The following TUT4 variants were observed in gnomAD, a reference collection of about 807,000 sequenced individuals.
The protein encoded by TUT4 is terminal uridylyl transferase 4.
A neutral mutation model predicts 192.2 loss-of-function variants in TUT4; 36 were observed. The ratio of observed to expected loss-of-function variants is 0.19; its 90% CI spans 0.14 to 0.25. The LOEUF (loss-of-function observed/expected upper bound fraction) is 0.25. TUT4 is among the 10% of genes least tolerant of loss of function. The pLI is 1.00. For synonymous variants in TUT4, 618 were observed against 666.0 expected (o/e 0.93, Z 1.11); for missense variants, 1,493 against 1,957.2 (o/e 0.76, Z 4.47).
At chr1:52,473,079 T>C (rs1181490410) in intron 13 of TUT4, among the ~76,000 whole-genome samples, 2 of 152,132 alleles carry the variant, frequency 1.3e-5, no homozygotes, top group Non-Finnish European at 2.9e-5. Flanking sequence ...CAACAGTACT[T>C]ACCCTAAGTT....
intron 2 of TUT4, among the ~76,000 whole-genome samples, chr1:52,518,424 T>C (rs990118594): frequency 1.3e-5 from 2 of 152,228 alleles, no homozygotes; most frequent in African/African-American, 4.8e-5. Context: ...GCCACCTTCT[T>C]GCTGTGTGTT....
chr1:52,463,485 G>T (rs759348659), intron 16 of TUT4: 109 of 1,054,780 alleles, frequency 1.0e-4, no homozygotes, highest in Non-Finnish European at 1.1e-4. Flanking sequence ...CAAAACCACC[G>T]TTCAAAAGAA....
intron 1 of TUT4, among the ~76,000 whole-genome samples, chr1:52,529,067 G>A (rs1307995219): frequency 1.3e-5 from 2 of 151,910 alleles, no homozygotes; most frequent in Non-Finnish European, 2.9e-5. Flanking sequence ...CTTTTCCAGA[G>A]TAATACTGTC....
intron 1 of TUT4, among the ~76,000 whole-genome samples, chr1:52,550,544 C>A (rs558250007): frequency 4.8e-4 from 72 of 149,040 alleles, no homozygotes; most frequent in African/African-American, 1.5e-3. Flanking sequence ...ACTCTGTCGC[C>A]CAGGCTGGAG....
intron 3 of TUT4, chr1:52,515,520 C>T (rs942250833): frequency 1.3e-5 from 4 of 318,244 alleles, no homozygotes; most frequent in East Asian, 5.0e-5. Context: ...AATTTCCCAT[C>T]GTAGCATGAA....
chr1:52,492,259 C>A (rs1315151175), intron 7 of TUT4, among the ~76,000 whole-genome samples: 5 of 151,908 alleles, frequency 3.3e-5, no homozygotes, highest in Non-Finnish European at 4.4e-5. Context: ...CAATGGCCAA[C>A]AGGAAACTGA....
chr1:52,450,609 C>T lies in TUT4; in HGVS notation c.3436-3942G>A, dbSNP rs544158795. Among the ~76,000 whole-genome samples, 6 of 152,020 alleles carry T rather than the reference C, an allele frequency of 3.9e-5. No homozygotes were observed. The South Asian group carries it at 6.3e-4, about 16-fold the overall frequency. On this transcript the variant is annotated intron_variant, in intron 20 of 29. Coordinates refer to ENST00000257177, the MANE Select transcript of TUT4 (RefSeq NM_001009881.3). ...TGTTTATGAATGTCTACTTTAGCAC[C>T]TACTACATTCAAAAGCATTAAATGT...
intron 2 of TUT4, among the ~76,000 whole-genome samples, chr1:52,519,157 G>A (rs1326274295): frequency 2.0e-5 from 3 of 152,008 alleles, no homozygotes; most frequent in Non-Finnish European, 4.4e-5. Flanking sequence ...CAAACAAAAT[G>A]TAATATATCC....
intron 1 of TUT4, among the ~76,000 whole-genome samples, chr1:52,538,194 T>C (rs931459885): frequency 1.3e-5 from 2 of 151,988 alleles, no homozygotes; most frequent in Non-Finnish European, 2.9e-5. Context: ...CAAGACTGCA[T>C]CGCTGCACTC....
chr1:52,435,198 T>C, intron 27 of TUT4, 167 bp downstream of exon 27: 1 of 448,094 alleles, frequency 2.2e-6, no homozygotes, highest in Admixed American at 4.0e-5. Context: ...TCTACATTAT[T>C]CCAAAAGGAA....
At chr1:52,495,209 G>C (rs1464284914) in intron 6 of TUT4, among the ~76,000 whole-genome samples, 1 of 151,944 alleles carries the variant, frequency 6.6e-6, no homozygotes, top group Non-Finnish European at 1.5e-5. Context: ...CCTTTTTCCA[G>C]CTTTCCTCTT....
intron 20 of TUT4, among the ~76,000 whole-genome samples, chr1:52,451,159 G>A (rs1411538859): frequency 4.0e-5 from 6 of 151,888 alleles, no homozygotes; most frequent in Non-Finnish European, 7.4e-5. Context: ...CCAGCTACTC[G>A]GGAGGCTGAG....
rs895922888 is a variant in TUT4 at position 52,472,088 on chromosome 1, T to C, written c.2742A>G (p.Val914=). The change falls in exon 14 of 30, where the codon GTA becomes GTG. Residue 914 remains valine (V), a synonymous_variant. Transcript: ENST00000257177. ...GGCCATCCTTTTTGCAGATGCTGCA[T>C]ACTATCGTTGGTGGCTACACAAAGA... ...ILTSGKPPTI[V]CSICKKDGHS... 4 of 1,613,528 alleles carry C rather than the reference T, an allele frequency of 2.5e-6. No individual in the cohort carries two copies. The African/African-American group carries it at 4.0e-5, about 16-fold the overall frequency.
intron 24 of TUT4, among the ~76,000 whole-genome samples, chr1:52,442,484 C>T (rs189167832): frequency 6.6e-6 from 1 of 152,292 alleles, no homozygotes; most frequent in Non-Finnish European, 1.5e-5. Context: ...TTTGACCATA[C>T]AGGTTGAGAA....
At chr1:52,450,820 A>T (rs1260942501) in intron 20 of TUT4, among the ~76,000 whole-genome samples, 1 of 152,142 alleles carries the variant, frequency 6.6e-6, no homozygotes, top group Non-Finnish European at 1.5e-5. Context: ...CTCCTAATCC[A>T]TGGGTAAGGA....
At chr1:52,541,757 T>A (rs778288586) in intron 1 of TUT4, among the ~76,000 whole-genome samples, 4 of 152,210 alleles carry the variant, frequency 2.6e-5, no homozygotes, top group Non-Finnish European at 5.9e-5. Context: ...TTAAAACTTT[T>A]GTATTTCAAT....
chr1:52,434,729 A>AGGAGAT (rs142296216), intron 27 of TUT4: 9,088 of 152,162 alleles, frequency 0.06, 291 homozygotes, highest in South Asian at 0.086. Context: ...TCAGCTACTC[A>AGGAGAT]GGAGATGGAG....
chr1:52,542,141 CA>C (rs1381790485), intron 1 of TUT4, among the ~76,000 whole-genome samples: 2 of 152,036 alleles, frequency 1.3e-5, no homozygotes, highest in African/African-American at 4.8e-5. Flanking sequence ...CTACAGCAGT[CA>C]AAATCATAGA....
chr1:52,495,664 G>A, intron 5 of TUT4, 149 bp from the exon 6 acceptor site: 1 of 522,394 alleles, frequency 1.9e-6, no homozygotes, highest in East Asian at 3.3e-5. Context: ...CTTTCTAACT[G>A]ATCTATAGAA....
Sources: allele counts gnomAD v4.1 joint callset (sites outside exome capture counted in the v4.1 genomes callset), GRCh38; gene constraint gnomAD v4.1.1; transcripts MANE v1.5; gene names NCBI Gene and HGNC (gene_info 2026-07-23, HGNC 2026-07-21).